Variants in DDX56 observed in about 807,000 individuals in gnomAD.
DDX56 encodes the protein DEAD-box helicase 56.
In DDX56, 45 loss-of-function variants were observed where a neutral mutation model predicts 61.5. The ratio of observed to expected loss-of-function variants is 0.73; its 90% CI spans 0.58 to 0.94. The LOEUF is 0.94. Ranked by LOEUF, DDX56 falls within the 40% of genes least tolerant of loss-of-function variation. The pLI is 0.00. For missense variants in DDX56, 708 were observed against 690.7 expected, an observed-to-expected ratio of 1.02 and a Z score of -0.28; for synonymous variants, 273 against 268.3, an observed-to-expected ratio of 1.02 and a Z score of -0.17.
In DDX56 at chr7:44,568,973, G is replaced by A; in HGVS notation, c.1313C>T (p.Thr438Ile). ...TCTTGCCTCCCGAATGGCCTGCTTA[G>A]TCACTGAGCGCATGGCATCCTGGGG... ...YRCRDAMRSVTKQAIREARLK... is the reference protein window; with the variant it reads ...YRCRDAMRSVIKQAIREARLK... The change falls in exon 11 of 14, where the codon ACT becomes ATT. Residue 438 changes from threonine to isoleucine, a missense_variant. Transcript: ENST00000258772. 1 of 1,614,132 alleles carries A rather than the reference G, an allele frequency of 6.2e-7. No individual in the cohort carries two copies. Among genetic ancestry groups the A allele is most frequent in the Non-Finnish European group, 8.5e-7 (1 of 1,180,050 alleles).
intron 6 of DDX56, 21 bp downstream of exon 6, chr7:44,571,471 A>C: frequency 6.2e-7 from 1 of 1,611,980 alleles, no homozygotes; most frequent in Non-Finnish European, 8.5e-7. Flanking sequence ...TATTTCAACC[A>C]AGATGTTGGC....
At chr7:44,566,568 T>C in intron 12 of DDX56, 44 bp from the exon 13 acceptor site, 1 of 1,449,470 alleles carries the variant, frequency 6.9e-7, no homozygotes, top group Non-Finnish European at 9.3e-7. Context: ...CCGCTACTGC[T>C]CCCATCCCTG....
Position 44,572,382 on chromosome 7 carries a change from C to T in DDX56, c.610G>A (p.Val204Ile), listed in dbSNP as rs141257729. The change falls in exon 5 of 14, where the codon GTA (valine) becomes ATA (isoleucine). Residue 204 changes from valine to isoleucine, a missense_variant. Physicochemically the swap from Val to Ile is conservative, Grantham distance 29. Coordinates refer to ENST00000258772, the MANE Select transcript of DDX56 (RefSeq NM_019082.4). ...AATATCAGCTCCTTGAGTGCTTGTACGTCCTCGTTAAAAGTAGCTGACATG... is the reference window on the plus strand; with the variant it reads ...AATATCAGCTCCTTGAGTGCTTGTATGTCCTCGTTAAAAGTAGCTGACATG... ...FLMSATFNEDVQALKELILHN... is the reference protein window; with the variant it reads ...FLMSATFNEDIQALKELILHN... The T allele has an allele frequency of 2.8e-5, 46 of 1,614,088 alleles. No individual in the cohort carries two copies. The highest frequency in any genetic ancestry group is 1.3e-4 in the African/African-American group (10 of 75,040).
intron 9 of DDX56, 189 bp downstream of exon 9, chr7:44,569,620 T>C (rs1409254157): frequency 6.4e-6 from 4 of 629,248 alleles, no homozygotes; most frequent in Non-Finnish European, 1.1e-5. Flanking sequence ...AACACAACTT[T>C]GGACAAATTA....
rs1585171660 is a variant in DDX56 at position 44,570,119 on chromosome 7, A to C, written c.1020T>G (p.Asp340Glu). ...TGCCCCGGGCCACACCTGCTTCCGG[A>C]TCAGAGGCCCTGCAGAGATAACTCA... ...GRGPKGDKAS[D>E]PEAGVARGID... The change falls in exon 8 of 14, where the codon GAT becomes GAG. Residue 340 changes from aspartate to glutamate, a missense_variant. Asp to Glu is a conservative substitution (Grantham distance 45). Transcript: ENST00000258772. 1.9e-6 allele frequency: 3 copies of C among 1,614,010 alleles called. No homozygotes were observed. Among genetic ancestry groups the C allele is most frequent in the Middle Eastern group, 3.4e-4 (2 of 5,958 alleles).
In DDX56 at chr7:44,570,088, A is replaced by C. The variant is rs780925980; in HGVS notation, c.1051T>G (p.Phe351Val). The change falls in exon 8 of 14, where the codon TTC becomes GTC. Residue 351 changes from phenylalanine to valine, a missense_variant. Physicochemically the swap from Phe to Val is conservative, Grantham distance 50. Transcript: ENST00000258772. Reference protein sequence around the residue: ...PEAGVARGIDFHHVSAVLNFD... With the variant: ...PEAGVARGIDVHHVSAVLNFD... ...TTGAGCACAGCAGACACATGGTGGAAGTCTATGCCCCGGGCCACACCTGCT... is the reference window on the plus strand; with the variant it reads ...TTGAGCACAGCAGACACATGGTGGACGTCTATGCCCCGGGCCACACCTGCT... 5.6e-6 allele frequency: 9 copies of C among 1,614,044 alleles called. No individual in the cohort carries two copies. The highest frequency in any genetic ancestry group is 7.6e-6 in the Non-Finnish European group (9 of 1,180,034).
intron 5 of DDX56, 56 bp downstream of exon 5, chr7:44,572,291 A>C (rs2289055): frequency 6.9e-7 from 1 of 1,439,610 alleles, no homozygotes; most frequent in African/African-American, 1.4e-5. Context: ...AGGAGCATCA[A>C]GATCTTTGAG....
chr7:44,566,861 A>G (rs1802552556), intron 12 of DDX56, among the ~76,000 whole-genome samples: 1 of 152,076 alleles, frequency 6.6e-6, no homozygotes, highest in Admixed American at 6.5e-5. Flanking sequence ...GGGGCCCCGC[A>G]TCCCAGCTGC....
intron 7 of DDX56, 34 bp from the exon 8 acceptor site, chr7:44,570,162 C>A: frequency 6.2e-7 from 1 of 1,610,412 alleles, no homozygotes; most frequent in African/African-American, 1.3e-5. Context: ...CCGGACCCTT[C>A]CTCTCCTCTG....
intron 13 of DDX56, 93 bp from the exon 14 acceptor site, chr7:44,566,172 C>T: frequency 2.7e-6 from 2 of 750,494 alleles, no homozygotes; most frequent in South Asian, 3.4e-5. Flanking sequence ...ACAAAGGGAG[C>T]CGTGCCGGCA....
At position 44,572,360 on chromosome 7, in the gene DDX56, A is replaced by G; in HGVS notation, c.632T>C (p.Ile211Thr). The G allele has an allele frequency of 6.2e-7, 1 of 1,614,010 alleles. No individual in the cohort carries two copies. The highest frequency in any genetic ancestry group is 8.5e-7 in the Non-Finnish European group (1 of 1,179,966). The change falls in exon 5 of 14, where the codon ATA becomes ACA. Residue 211 changes from isoleucine to threonine, a missense_variant. Ile to Thr is a moderately conservative substitution (Grantham distance 89, BLOSUM62 -1). Transcript: ENST00000258772. ...NEDVQALKELILHNPVTLKLQ... is the reference protein window; with the variant it reads ...NEDVQALKELTLHNPVTLKLQ... Reference sequence around the variant, plus strand: ...GGTGCCTCTTACCGGGTTATGTAATATCAGCTCCTTGAGTGCTTGTACGTC... The same window carrying G: ...GGTGCCTCTTACCGGGTTATGTAATGTCAGCTCCTTGAGTGCTTGTACGTC...
chr7:44,572,698 G>A lies in DDX56; in HGVS notation c.430C>T (p.Arg144Cys), dbSNP rs779739893. Reference protein sequence around the residue: ...KPDVVVGTPSRILSHLQQDSL... With the variant: ...KPDVVVGTPSCILSHLQQDSL... Reference sequence around the variant, plus strand: ...TCTTGCTGCAAGTGGCTTAATATGCGAGATGGGGTCCCTACTACCACATCT... The same window carrying A: ...TCTTGCTGCAAGTGGCTTAATATGCAAGATGGGGTCCCTACTACCACATCT... The change falls in exon 4 of 14, where the codon CGC becomes TGC. Residue 144 changes from arginine (R) to cysteine (C), a missense_variant. Transcript: ENST00000258772. The A allele has an allele frequency of 6.2e-6, 10 of 1,614,202 alleles. No homozygotes were observed. The South Asian group carries it at 6.6e-5, about 11-fold the overall frequency.
rs953529602 is a variant in DDX56, at chr7:44,571,515, A to G, written c.867T>C (p.Asn289=). The G allele has an allele frequency of 6.2e-7, 1 of 1,614,018 alleles. No homozygotes were observed. Among genetic ancestry groups the G allele is most frequent in the African/African-American group, 1.3e-5 (1 of 74,940 alleles). Residue 289 remains asparagine, a synonymous_variant, in exon 6 of 14, where the codon AAT becomes AAC. Transcript: ENST00000258772. ...ACCTGGAGCGCAGTGGAAGCTCTCCATTGAGCACACAGGTGGGGATGCTGA... is the reference window on the plus strand; with the variant it reads ...ACCTGGAGCGCAGTGGAAGCTCTCCGTTGAGCACACAGGTGGGGATGCTGA... ...EQFSIPTCVL[N]GELPLRSRCH...
intron 7 of DDX56, 55 bp downstream of exon 7, chr7:44,570,703 A>T (rs753169467): frequency 6.4e-6 from 10 of 1,563,938 alleles, no homozygotes; most frequent in Non-Finnish European, 8.7e-6. Flanking sequence ...GTCTTCCAAA[A>T]AGCTAAAAAC....
Position 44,573,637 on chromosome 7 carries a change from C to T in DDX56, c.168G>A (p.Gly56=), listed in dbSNP as rs1344145926. The T allele has an allele frequency of 2.5e-6, 4 of 1,613,806 alleles. No homozygotes were observed. The East Asian group carries it at 6.7e-5, about 27-fold the overall frequency. ...TCGGAATAGCATAAGCGGCCGTCTTCCCGGAGCCCGTGCGGGCCCGAGCCA... is the reference window on the plus strand; with the variant it reads ...TCGGAATAGCATAAGCGGCCGTCTTTCCGGAGCCCGTGCGGGCCCGAGCCA... ...DLLARARTGS[G]KTAAYAIPML... The change falls in exon 2 of 14, where the codon GGG becomes GGA. Residue 56 remains glycine (G), a synonymous_variant. Transcript: ENST00000258772.
chr7:44,566,573 T>A, intron 12 of DDX56, 49 bp from the exon 13 acceptor site: 1 of 1,401,278 alleles, frequency 7.1e-7, no homozygotes, highest in South Asian at 1.3e-5. Context: ...ACTGCTCCCA[T>A]CCCTGCCCTC....
At chr7:44,572,787 C>A (rs1265292887) in intron 3 of DDX56, 43 bp from the exon 4 acceptor site, 3 of 1,610,252 alleles carry the variant, frequency 1.9e-6, no homozygotes. Flanking sequence ...AATGTAGCAG[C>A]TGGGATCTCA....
At chr7:44,569,299 G>A (rs1166133912) in intron 9 of DDX56, 96 bp from the exon 10 acceptor site, 21 of 1,186,956 alleles carry the variant, frequency 1.8e-5, no homozygotes, top group Non-Finnish European at 2.3e-5. Flanking sequence ...GGGGAAAGCA[G>A]CAGGGGACCC....
In DDX56 at chr7:44,568,951, T is replaced by C. The variant is rs1481971046; in HGVS notation, c.1335A>G (p.Ala445=). 2 of 1,614,022 alleles carry C rather than the reference T, an allele frequency of 1.2e-6. No individual in the cohort carries two copies. Among genetic ancestry groups the C allele is most frequent in the Non-Finnish European group, 1.7e-6 (2 of 1,180,034 alleles). Residue 445 remains alanine (A), a synonymous_variant, in exon 11 of 14, where the codon GCA becomes GCG. Transcript: ENST00000258772. ...GCTCTTCCTTGATCTCCTTCAATCT[T>C]GCCTCCCGAATGGCCTGCTTAGTCA... ...RSVTKQAIRE[A]RLKEIKEELL...
Sources: allele counts gnomAD v4.1 joint callset (sites outside exome capture counted in the v4.1 genomes callset), GRCh38; gene constraint gnomAD v4.1.1; transcripts MANE v1.5; gene names NCBI Gene and HGNC (gene_info 2026-07-23, HGNC 2026-07-21).